SLC22A8: variants seen among roughly 807,000 people sequenced by gnomAD.
SLC22A8 encodes the protein solute carrier family 22 member 8.
SLC22A8 carries 40 observed loss-of-function variants against 48.4 expected under a neutral mutation model. That is an observed-to-expected ratio of 0.83 (90% CI 0.64 to 1.08). The LOEUF is 1.08. SLC22A8 is among the 50% of genes least tolerant of loss of function. The probability of loss-of-function intolerance (pLI) is 0.00; values close to 1 mark genes in which losing one functional copy is unlikely to be tolerated. For synonymous variants in SLC22A8, 268 were observed against 286.3 expected (o/e 0.94, Z 0.65); for missense variants, 606 against 699.0 (o/e 0.87, Z 1.50).
intron 4 of SLC22A8, 33 bp downstream of exon 4, chr11:62,999,655 C>T (rs1456727349): frequency 2.1e-6 from 3 of 1,459,148 alleles, no homozygotes; most frequent in Non-Finnish European, 2.7e-6. Context: ...TGGTGCTCCC[C>T]AAAGCCCAGC....
At chr11:62,995,635 G>A (rs2086407080) in intron 7 of SLC22A8, 69 bp downstream of exon 7, 1 of 1,129,766 alleles carries the variant, frequency 8.9e-7, no homozygotes, top group Non-Finnish European at 1.3e-6. Flanking sequence ...TTGCCCTTAA[G>A]TGAGCCTACT....
intron 2 of SLC22A8, among the ~76,000 whole-genome samples, chr11:63,009,304 G>A (rs530508983): frequency 6.6e-6 from 1 of 152,226 alleles, no homozygotes; most frequent in South Asian, 2.1e-4. Context: ...CTCACAAGAG[G>A]CCTCACTGGG....
At chr11:62,993,656 G>A in intron 9 of SLC22A8, 29 bp from the exon 10 acceptor site, 2 of 1,602,096 alleles carry the variant, frequency 1.2e-6, no homozygotes, top group Non-Finnish European at 8.5e-7. Flanking sequence ...GGGATTGGTA[G>A]CCTGTGTGTG....
At chr11:63,013,126 G>T (rs1031137787) in intron 2 of SLC22A8, among the ~76,000 whole-genome samples, 1 of 152,128 alleles carries the variant, frequency 6.6e-6, no homozygotes, top group Non-Finnish European at 1.5e-5. Flanking sequence ...TGTTCAGGAA[G>T]GTTAAAAGTG....
rs1407054112 is a variant in SLC22A8, at chr11:63,014,684, A to G, written c.275T>C (p.Met92Thr). Residue 92 changes from methionine (M) to threonine (T), a missense_variant, in exon 2 of 11, where the codon ATG (methionine) becomes ACG (threonine). By Grantham distance (81) the Met-to-Thr change is moderately conservative. Coordinates refer to ENST00000336232, the MANE Select transcript of SLC22A8 (RefSeq NM_004254.4). ...GACCCAGCCATCCAGGCATGGCTCCATGGCCCTCTGGGTGTCATTGGGCAG... is the reference window on the plus strand; with the variant it reads ...GACCCAGCCATCCAGGCATGGCTCCGTGGCCCTCTGGGTGTCATTGGGCAG... ...ASLPNDTQRA[M>T]EPCLDGWVYN... The G allele has an allele frequency of 1.9e-6, 3 of 1,613,326 alleles. No homozygotes were observed. Among genetic ancestry groups the G allele is most frequent in the Admixed American group, 3.3e-5 (2 of 59,978 alleles).
chr11:63,009,744 C>A (rs905105118), intron 2 of SLC22A8, among the ~76,000 whole-genome samples: 2 of 152,204 alleles, frequency 1.3e-5, no homozygotes, highest in African/African-American at 4.8e-5. Flanking sequence ...CGCCTCCACT[C>A]CTGTCCAGAC....
chr11:63,003,689 C>T (rs934707498), intron 2 of SLC22A8, among the ~76,000 whole-genome samples: 1 of 152,158 alleles, frequency 6.6e-6, no homozygotes, highest in African/African-American at 2.4e-5. Flanking sequence ...CCATGTAGTT[C>T]TTGACAATGG....
intron 1 of SLC22A8, 123 bp from the exon 2 acceptor site, chr11:63,015,106 T>C: frequency 3.5e-6 from 2 of 576,356 alleles, no homozygotes; most frequent in South Asian, 3.2e-5. Flanking sequence ...GAGCAGAGCA[T>C]GTGTAAGTGT....
chr11:62,994,853 T>C (rs958142442), intron 7 of SLC22A8, 97 bp from the exon 8 acceptor site: 2 of 911,002 alleles, frequency 2.2e-6, no homozygotes. Flanking sequence ...TAGCTTCACT[T>C]CTTGTGCCAA....
At chr11:63,004,675 G>A (rs933230840) in intron 2 of SLC22A8, among the ~76,000 whole-genome samples, 1 of 152,084 alleles carries the variant, frequency 6.6e-6, no homozygotes, top group Admixed American at 6.5e-5. Flanking sequence ...CATCTTTTTG[G>A]TTTATTGCAT....
chr11:63,013,113 G>A (rs2086637552), intron 2 of SLC22A8, among the ~76,000 whole-genome samples: 1 of 152,132 alleles, frequency 6.6e-6, no homozygotes, highest in Admixed American at 6.5e-5. Context: ...CTATCTTACA[G>A]TGTGTTCAGG....
chr11:62,997,601 G>A (rs2086438101), intron 5 of SLC22A8, among the ~76,000 whole-genome samples: 1 of 152,228 alleles, frequency 6.6e-6, no homozygotes, highest in Non-Finnish European at 1.5e-5. Context: ...TCTCAACTGT[G>A]CTCTGCTGAT....
At chr11:63,009,962 C>G (rs532646208) in intron 2 of SLC22A8, among the ~76,000 whole-genome samples, 40 of 152,316 alleles carry the variant, frequency 2.6e-4, no homozygotes, top group Non-Finnish European at 5.1e-4. Flanking sequence ...AAGTCAGGGC[C>G]TGGGTGAGCT....
chr11:62,994,017 C>G (rs1355587721), intron 8 of SLC22A8, 139 bp from the exon 9 acceptor site: 1 of 660,344 alleles, frequency 1.5e-6, no homozygotes, highest in African/African-American at 1.8e-5. Context: ...TAATGCTTTG[C>G]ATGCCTGTGT....
intron 2 of SLC22A8, among the ~76,000 whole-genome samples, chr11:63,006,623 T>TTTTTTTTTTTTTTTTTTTTTTTTTTG (rs1317151675): frequency 7.8e-6 from 1 of 127,804 alleles, no homozygotes; most frequent in African/African-American, 3.5e-5. Flanking sequence ...TTTTTTTTTT[T>TTTTTTTTTTTTTTTTTTTTTTTTTTG]TTGAGACAGA....
chr11:63,011,943 C>T (rs1304618124), intron 2 of SLC22A8, among the ~76,000 whole-genome samples: 1 of 152,044 alleles, frequency 6.6e-6, no homozygotes, highest in Non-Finnish European at 1.5e-5. Context: ...GCTCACTCCT[C>T]CAGCCTTCCC....
At position 62,993,632 on chromosome 11, in the gene SLC22A8, G is replaced by A. The variant is rs374318921; in HGVS notation, c.1326-5C>T. ...CTTACGCCCATACCTGTTTGCCTGC[G>A]AGGGTTCAGAGTAGGGATTGGTAGC... On this transcript the variant is annotated splice_region_variant and splice_polypyrimidine_tract_variant and intron_variant, in intron 9 of 10. Transcript: ENST00000336232. The A allele has an allele frequency of 1.7e-5, 28 of 1,605,218 alleles. No individual in the cohort carries two copies. In the African/African-American group the frequency reaches 2.4e-4, roughly 14 times the overall value.
chr11:62,999,776 G>A lies in SLC22A8; in HGVS notation c.504C>T (p.Ala168=). 2 of 1,607,104 alleles carry A rather than the reference G, an allele frequency of 1.2e-6. No individual in the cohort carries two copies. Among genetic ancestry groups the A allele is most frequent in the Middle Eastern group, 1.7e-4 (1 of 6,028 alleles). ...LLLAASGSGA[A]FSPTFPIYMV... The stretch of plus-strand genomic sequence containing the variant: ...TGTAGATGGGGAAGGTGGGGCTGAA[G>A]GCTGCACCGGAGCCGCTGGCTGCCA... Residue 168 remains alanine, a synonymous_variant, in exon 4 of 11, where the codon GCC becomes GCT. Coordinates refer to ENST00000336232, the MANE Select transcript of SLC22A8 (RefSeq NM_004254.4).
chr11:63,010,917 C>T (rs1409190812), intron 2 of SLC22A8, among the ~76,000 whole-genome samples: 2 of 152,178 alleles, frequency 1.3e-5, no homozygotes, highest in South Asian at 2.1e-4. Flanking sequence ...CAGCAGTGAG[C>T]GGTGTCTACA....
Sources: allele counts gnomAD v4.1 joint callset (sites outside exome capture counted in the v4.1 genomes callset), GRCh38; gene constraint gnomAD v4.1.1; transcripts MANE v1.5; gene names NCBI Gene and HGNC (gene_info 2026-07-23, HGNC 2026-07-21).